The following HAUS6 variants were observed in gnomAD, a reference collection of about 807,000 sequenced individuals.
HAUS6 encodes the protein HAUS augmin like complex subunit 6.
A neutral mutation model predicts 106.8 loss-of-function variants in HAUS6; 80 were observed. The ratio of observed to expected loss-of-function variants is 0.75; its 90% CI spans 0.63 to 0.90. The LOEUF is 0.90. Among genes scored for constraint, HAUS6 ranks in the 40% least tolerant of loss-of-function variants. HAUS6 has a pLI of 0.00. For missense variants in HAUS6, 1,155 were observed against 1,118.1 expected (o/e 1.03, Z -0.47); for synonymous variants, 356 against 379.1 (o/e 0.94, Z 0.71).
Position 19,102,824 on chromosome 9 carries a change from G to T in HAUS6, c.-173C>A, listed in dbSNP as rs749938357. 1.7e-6 allele frequency: 1 copy of T among 594,502 alleles called. No individual in the cohort carries two copies. The highest frequency in any genetic ancestry group is 2.9e-6 in the Non-Finnish European group (1 of 346,740). The allele number at this position is 594,502 out of a possible 1,614,324, so 36.8% of individuals were successfully genotyped here. On this transcript the variant is annotated 5_prime_UTR_variant, in exon 1 of 17. Transcript: ENST00000380502. ...CGCCTCAAAGGGCCTCACAACCTCC[G>T]GGAAATTGAGTTTCTAACGGTATAG...
At position 19,056,223 on chromosome 9, in the gene HAUS6, T is replaced by C; in HGVS notation, c.*120A>G. 1.7e-6 allele frequency: 1 copy of C among 600,902 alleles called. No individual in the cohort carries two copies. The highest frequency in any genetic ancestry group is 3.0e-6 in the Non-Finnish European group (1 of 333,840). The allele number at this position is 600,902 out of a possible 1,614,324, so 37.2% of individuals were successfully genotyped here. A position where few individuals can be genotyped will look rare whatever the true frequency, so the allele number is the denominator to read the frequency against. On this transcript the variant is annotated 3_prime_UTR_variant, in exon 17 of 17. Coordinates refer to ENST00000380502, the MANE Select transcript of HAUS6 (RefSeq NM_017645.5). ...AGAAGGCTAAAAGGCATTAGGAATT[T>C]TTTTAAACCTTGAAAAACAGTGTTA...
chr9:19,053,947 C>T lies in HAUS6; in HGVS notation c.*2396G>A, dbSNP rs534553300. 1 of 151,668 alleles carries T rather than the reference C, an allele frequency of 6.6e-6. No homozygotes were observed. Among genetic ancestry groups the T allele is most frequent in the South Asian group, 2.1e-4 (1 of 4,802 alleles). 9.4% of individuals were successfully genotyped at this position (151,668 alleles called of 1,614,324 possible). A position where few individuals can be genotyped will look rare whatever the true frequency, so the allele number is the denominator to read the frequency against. On this transcript the variant is annotated 3_prime_UTR_variant, in exon 17 of 17. Coordinates refer to ENST00000380502, the MANE Select transcript of HAUS6 (RefSeq NM_017645.5). ...CTATAACTAGAAAGACCACATGCAA[C>T]CATAAAAAATATATAATAAAATCAA...
At chr9:19,076,983 G>A (rs928987555) in intron 10 of HAUS6, among the ~76,000 whole-genome samples, 1 of 152,092 alleles carries the variant, frequency 6.6e-6, no homozygotes, top group African/African-American at 2.4e-5. Context: ...AGCTAGGCCT[G>A]CAGAGACACA....
rs1351813638 is a variant in HAUS6, at chr9:19,054,964, T to A, written c.*1379A>T. On this transcript the variant is annotated 3_prime_UTR_variant, in exon 17 of 17. Transcript: ENST00000380502. ...AGACCTGCATAGTCCCTGATTTGTTTTATTAACTAATAAAAGAAAACAGCA... is the reference window on the plus strand; with the variant it reads ...AGACCTGCATAGTCCCTGATTTGTTATATTAACTAATAAAAGAAAACAGCA... The A allele has an allele frequency of 6.6e-6, 1 of 152,206 alleles. No individual in the cohort carries two copies. Among genetic ancestry groups the A allele is most frequent in the East Asian group, 1.9e-4 (1 of 5,198 alleles). The allele number at this position is 152,206 out of a possible 1,614,324, so 9.4% of individuals were successfully genotyped here. A position where few individuals can be genotyped will look rare whatever the true frequency, so the allele number is the denominator to read the frequency against.
chr9:19,076,988 G>A (rs1772099933), intron 10 of HAUS6, among the ~76,000 whole-genome samples: 2 of 152,216 alleles, frequency 1.3e-5, no homozygotes, highest in Middle Eastern at 3.4e-3. Flanking sequence ...GGCCTGCAGA[G>A]ACACACCACA....
chr9:19,077,396 G>A (rs190630183), intron 10 of HAUS6, among the ~76,000 whole-genome samples: 2 of 152,230 alleles, frequency 1.3e-5, no homozygotes, highest in South Asian at 2.1e-4. Flanking sequence ...TTAGCCGAGC[G>A]TGGTGGCGGG....
At chr9:19,075,196 G>C (rs1836968046) in intron 11 of HAUS6, among the ~76,000 whole-genome samples, 1 of 152,154 alleles carries the variant, frequency 6.6e-6, no homozygotes, top group African/African-American at 2.4e-5. Flanking sequence ...GAAATCTGGA[G>C]ACAGAAAATA....
chr9:19,073,006 CTT>C (rs1311743238), intron 11 of HAUS6, among the ~76,000 whole-genome samples: 1 of 151,856 alleles, frequency 6.6e-6, no homozygotes, highest in Non-Finnish European at 1.5e-5. Flanking sequence ...CATTTATAAA[CTT>C]TAAAAAAGAG....
intron 5 of HAUS6, among the ~76,000 whole-genome samples, chr9:19,088,008 T>G (rs551046361): frequency 6.6e-6 from 1 of 152,150 alleles, no homozygotes; most frequent in African/African-American, 2.4e-5. Flanking sequence ...ATATGCTGCA[T>G]AGATGAACCT....
chr9:19,096,795 TAGAAAA>T (rs759923384), intron 1 of HAUS6, 26 bp from the exon 2 acceptor site: 4 of 1,125,370 alleles, frequency 3.6e-6, no homozygotes, highest in Admixed American at 2.5e-5. Context: ...GAAATAGAAA[TAGAAAA>T]AGAAAAAGGT....
rs1837307538 is a variant in HAUS6 at position 19,086,842 on chromosome 9, C to T, written c.651-60G>A. On this transcript the variant is annotated intron_variant, in intron 6 of 16. Transcript: ENST00000380502. ...AAAAATCACATGGTAATTTAATATC[C>T]AAAGAGCTAATTAGTCTGCAAATCA... is the stretch of plus-strand genomic sequence containing the variant. The T allele has an allele frequency of 6.6e-6, 5 of 752,210 alleles. No homozygotes were observed. The South Asian group carries it at 8.2e-5, about 12-fold the overall frequency. The allele number at this position is 752,210 out of a possible 1,614,324, so 46.6% of individuals were successfully genotyped here.
chr9:19,077,274 C>A (rs143079123), intron 10 of HAUS6, among the ~76,000 whole-genome samples: 1 of 152,324 alleles, frequency 6.6e-6, no homozygotes, highest in African/African-American at 2.4e-5. Context: ...GTGGCTCACG[C>A]CCATAATCCC....
intron 12 of HAUS6, among the ~76,000 whole-genome samples, chr9:19,069,486 C>T (rs111701296): frequency 2.0e-5 from 3 of 151,016 alleles, no homozygotes; most frequent in African/African-American, 7.3e-5. Context: ...ATCAGGAGTT[C>T]GAGACCAGCC....
At chr9:19,095,654 T>C (rs1817845906) in intron 2 of HAUS6, among the ~76,000 whole-genome samples, 1 of 152,206 alleles carries the variant, frequency 6.6e-6, no homozygotes, top group South Asian at 2.1e-4. Flanking sequence ...AAATAGATTA[T>C]CAAAAATGAA....
At chr9:19,080,871 G>A (rs951477340) in intron 8 of HAUS6, among the ~76,000 whole-genome samples, 199 bp from the exon 9 acceptor site, 2 of 152,082 alleles carry the variant, frequency 1.3e-5, no homozygotes, top group Non-Finnish European at 2.9e-5. Context: ...TCGGGAGTTC[G>A]AGACCAGCCT....
In HAUS6 at chr9:19,098,470, A is replaced by T. The variant is rs117490176; in HGVS notation, c.129-1701T>A. Among the ~76,000 whole-genome samples the T allele has an allele frequency of 6.0e-3, 919 of 151,976 alleles. 30 individuals are homozygous for T. The East Asian group carries it at 0.09, about 15-fold the overall frequency. On this transcript the variant is annotated intron_variant, in intron 1 of 16. Coordinates refer to ENST00000380502, the MANE Select transcript of HAUS6 (RefSeq NM_017645.5). ...AAAAAAAAAAATTATATAAGGGAAA[A>T]TTTATATCTATTCTCTTCACCACTG...
At chr9:19,085,095 G>A (rs960174074) in intron 7 of HAUS6, among the ~76,000 whole-genome samples, 1 of 152,044 alleles carries the variant, frequency 6.6e-6, no homozygotes, top group African/African-American at 2.4e-5. Context: ...AAATATCTCT[G>A]ACATGTTGTA....
chr9:19,099,630 C>G (rs1170684147), intron 1 of HAUS6, among the ~76,000 whole-genome samples: 5 of 152,072 alleles, frequency 3.3e-5, no homozygotes, highest in African/African-American at 1.2e-4. Context: ...CATGCCTAGC[C>G]TAATTGCATT....
rs374759067 is a variant in HAUS6 at position 19,080,608 on chromosome 9, T to C, written c.935A>G (p.Asn312Ser). 4.2e-5 allele frequency: 67 copies of C among 1,600,362 alleles called. 1 individual carries two copies. The highest frequency in any genetic ancestry group is 1.7e-4 in the Middle Eastern group (1 of 5,824). The part of the protein sequence containing the change: ...LNLLTVIQLL[N>S]EVLKVMKYER... ...ATATTTCATCACCTTCAAGACTTCATTTAATAACTGAATAACTGTTAAGAG... is the reference window on the plus strand; with the variant it reads ...ATATTTCATCACCTTCAAGACTTCACTTAATAACTGAATAACTGTTAAGAG... The change falls in exon 9 of 17, where the codon AAT becomes AGT. Residue 312 changes from asparagine to serine, a missense_variant. Around this residue, in one of 3 missense-constraint regions of HAUS6, gnomAD observed 761 missense variants for 690.0 expected, o/e 1.10. Coordinates refer to ENST00000380502, the MANE Select transcript of HAUS6 (RefSeq NM_017645.5).
Sources: allele counts gnomAD v4.1 joint callset (sites outside exome capture counted in the v4.1 genomes callset), GRCh38; gene constraint gnomAD v4.1.1; regional missense constraint gnomAD v4.1.1; transcripts MANE v1.5; gene names NCBI Gene and HGNC (gene_info 2026-07-23, HGNC 2026-07-21).